SCRG1: variants seen among roughly 807,000 people sequenced by gnomAD.
The protein encoded by SCRG1 is stimulator of chondrogenesis 1.
In SCRG1, 3 loss-of-function variants were observed where a neutral mutation model predicts 7.7. The ratio of observed to expected loss-of-function variants is 0.39; its 90% confidence interval spans 0.18 to 1.01. The LOEUF is 1.01. Ranked by LOEUF, SCRG1 falls within the 50% of genes least tolerant of loss-of-function variation. The pLI is 0.36. For missense variants in SCRG1, 110 were observed against 117.2 expected (o/e 0.94, Z 0.28); for synonymous variants, 46 against 41.2 (o/e 1.12, Z -0.44).
At chr4:173,493,247 C>T in the SCRG1 span, among the ~76,000 whole-genome samples, 1 of 152,086 alleles carries the variant, frequency 6.6e-6, no homozygotes, top group Non-Finnish European at 1.5e-5. Context: ...TGAGTTCTCA[C>T]CATCTGGCTG....
chr4:173,446,645 C>A, the SCRG1 span: 3 of 152,160 alleles, frequency 2.0e-5, no homozygotes, highest in Non-Finnish European at 4.4e-5. Context: ...CATCTTTGTG[C>A]AGGGGGCCTG....
At chr4:173,438,115 A>G in the SCRG1 span, among the ~76,000 whole-genome samples, 201 of 152,128 alleles carry the variant, frequency 1.3e-3, 4 homozygotes, top group African/African-American at 4.7e-3. Flanking sequence ...TTTTTAATTA[A>G]TTAATTTATT....
At chr4:173,480,166 C>T in the SCRG1 span, among the ~76,000 whole-genome samples, 7 of 152,080 alleles carry the variant, frequency 4.6e-5, no homozygotes, top group African/African-American at 9.7e-5. Flanking sequence ...GAGATAGCCT[C>T]ATCTATGAGT....
At chr4:173,483,699 C>A in the SCRG1 span, among the ~76,000 whole-genome samples, 199 of 1,124 alleles carry the variant, frequency 0.18, 80 homozygotes, top group Non-Finnish European at 0.56. Flanking sequence ...TGTGATATAT[C>A]ATATATATGA....
chr4:173,485,598 C>G, the SCRG1 span, among the ~76,000 whole-genome samples: 1 of 152,106 alleles, frequency 6.6e-6, no homozygotes, highest in Non-Finnish European at 1.5e-5. Context: ...ACCATACTAT[C>G]TAACCACTTC....
the SCRG1 span, among the ~76,000 whole-genome samples, chr4:173,493,835 C>A: frequency 2.8e-4 from 42 of 152,138 alleles, no homozygotes; most frequent in Non-Finnish European, 4.3e-4. Flanking sequence ...ATGTGGATGG[C>A]CACATTTTTA....
the SCRG1 span, among the ~76,000 whole-genome samples, chr4:173,482,511 CA>C: frequency 6.6e-6 from 1 of 151,942 alleles, no homozygotes; most frequent in Admixed American, 6.6e-5. Flanking sequence ...CTACTCTGTC[CA>C]AAAGAATGAG....
chr4:173,404,604 C>A (rs1020236273), intron 1 of SCRG1, among the ~76,000 whole-genome samples: 2 of 152,154 alleles, frequency 1.3e-5, no homozygotes, highest in African/African-American at 4.8e-5. Context: ...AGGAGAGGTT[C>A]TTGGGAAGTA....
the SCRG1 span, among the ~76,000 whole-genome samples, chr4:173,485,067 T>A: frequency 9.3e-5 from 1 of 10,764 alleles, no homozygotes; most frequent in African/African-American, 2.1e-4. Context: ...ATATATTATA[T>A]ATTATATATT....
intron 1 of SCRG1, among the ~76,000 whole-genome samples, chr4:173,392,791 A>C (rs1343787683): frequency 1.3e-5 from 2 of 152,202 alleles, no homozygotes; most frequent in Non-Finnish European, 2.9e-5. Context: ...ACTTGGAAAG[A>C]AAACAATATT....
At chr4:173,446,329 AC>A in the SCRG1 span, among the ~76,000 whole-genome samples, 42 of 152,198 alleles carry the variant, frequency 2.8e-4, 1 homozygote, top group South Asian at 2.1e-4. Flanking sequence ...AACTGCTGGC[AC>A]TTTAGCATGA....
chr4:173,393,221 C>G (rs1405928681), intron 1 of SCRG1, among the ~76,000 whole-genome samples: 1 of 152,052 alleles, frequency 6.6e-6, no homozygotes, highest in African/African-American at 2.4e-5. Context: ...ACATTTATTG[C>G]TTTTTTCCCT....
chr4:173,403,030 T>G (rs968430067), upstream of SCRG1: 3 of 152,206 alleles, frequency 2.0e-5, no homozygotes, highest in Admixed American at 2.0e-4. Context: ...TGATTACAAC[T>G]ATATAAAGTT....
Position 173,391,167 on chromosome 4 carries a change from C to G in SCRG1, c.242+6G>C, listed in dbSNP as rs765290761. ...GGCAATACACTTTGTGATACCATTT[C>G]CTTACTTTGGGCAGCAGAGCAATTC... is the stretch of plus-strand genomic sequence containing the variant. On this transcript the variant is annotated splice_donor_region_variant and intron_variant, in intron 2 of 2. Transcript: ENST00000296506. 23 of 1,613,736 alleles carry G rather than the reference C, an allele frequency of 1.4e-5. No homozygotes were observed. Among genetic ancestry groups the G allele is most frequent in the Non-Finnish European group, 1.9e-5 (23 of 1,179,884 alleles).
the SCRG1 span, among the ~76,000 whole-genome samples, chr4:173,466,744 A>C: frequency 6.6e-6 from 1 of 152,210 alleles, no homozygotes; most frequent in Non-Finnish European, 1.5e-5. Context: ...TTGACAAAGT[A>C]ATGTACTTCA....
chr4:173,413,428 A>G, the SCRG1 span, among the ~76,000 whole-genome samples: 655 of 152,366 alleles, frequency 4.3e-3, 7 homozygotes, highest in African/African-American at 0.015. Flanking sequence ...ACAAGTCTAC[A>G]GGAGGCATCT....
the SCRG1 span, among the ~76,000 whole-genome samples, chr4:173,477,743 CTT>C: frequency 4.2e-5 from 6 of 143,766 alleles, no homozygotes; most frequent in East Asian, 2.0e-4. Context: ...TCCTTCCTTC[CTT>C]CCTTCCTTCC....
At chr4:173,457,559 C>T in the SCRG1 span, among the ~76,000 whole-genome samples, 2 of 152,174 alleles carry the variant, frequency 1.3e-5, no homozygotes, top group Non-Finnish European at 2.9e-5. Flanking sequence ...CTCTCTTTCC[C>T]GAGAGGTGTC....
chr4:173,478,030 A>G, the SCRG1 span, among the ~76,000 whole-genome samples: 2 of 152,132 alleles, frequency 1.3e-5, no homozygotes, highest in African/African-American at 4.8e-5. Flanking sequence ...TTGGCCTCTC[A>G]AAGAGCTGGG....
Sources: gnomAD v4.1 joint callset for allele counts (sites outside exome capture counted in the v4.1 genomes callset) on GRCh38, gnomAD v4.1.1 for gene constraint, MANE v1.5 for transcripts, NCBI Gene and HGNC (gene_info 2026-07-23, HGNC 2026-07-21) for gene names.